The following ZC3H12C variants were observed in gnomAD, a reference collection of about 807,000 sequenced individuals.
The protein encoded by ZC3H12C is probable ribonuclease ZC3H12C.
Under a neutral mutation model 76.3 loss-of-function variants are expected in ZC3H12C, and 20 were observed. The observed-to-expected ratio is 0.26, with a 90% confidence interval of 0.18 to 0.38. The LOEUF is 0.38. ZC3H12C is among the 10% of genes least tolerant of loss of function. The pLI is 1.00. For missense variants in ZC3H12C, 874 were observed against 1,086.5 expected, an observed-to-expected ratio of 0.80 and a Z score of 2.75; for synonymous variants, 352 against 399.6, an observed-to-expected ratio of 0.88 and a Z score of 1.42.
intron 2 of ZC3H12C, among the ~76,000 whole-genome samples, chr11:110,150,178 A>G (rs1862245816): frequency 1.3e-5 from 2 of 151,966 alleles, no homozygotes; most frequent in African/African-American, 4.8e-5. Flanking sequence ...GTTAATTTTA[A>G]GATTAGTTTC....
chr11:110,156,855 C>T (rs532072133), intron 3 of ZC3H12C, among the ~76,000 whole-genome samples: 2 of 152,286 alleles, frequency 1.3e-5, no homozygotes, highest in Non-Finnish European at 2.9e-5. Flanking sequence ...GGGGCACTTG[C>T]TTTTGCATTG....
At chr11:110,115,303 A>G (rs1350540160) in intron 1 of ZC3H12C, among the ~76,000 whole-genome samples, 1 of 150,926 alleles carries the variant, frequency 6.6e-6, no homozygotes, top group Non-Finnish European at 1.5e-5. Context: ...TTTTTCATTT[A>G]TTTATTTATT....
At chr11:110,111,708 T>C (rs1027566674) in intron 1 of ZC3H12C, among the ~76,000 whole-genome samples, 13 of 151,240 alleles carry the variant, frequency 8.6e-5, no homozygotes, top group African/African-American at 3.2e-4. Flanking sequence ...TTTTTTTTTT[T>C]TTTTTTTTAG....
chr11:110,127,324 A>G (rs961460794), intron 1 of ZC3H12C, among the ~76,000 whole-genome samples: 2 of 152,226 alleles, frequency 1.3e-5, no homozygotes, highest in Non-Finnish European at 2.9e-5. Context: ...AATAGCACTC[A>G]GAAGAGTAGC....
intron 3 of ZC3H12C, among the ~76,000 whole-genome samples, chr11:110,156,054 G>A (rs1269479378): frequency 1.3e-5 from 2 of 152,098 alleles, no homozygotes; most frequent in African/African-American, 4.8e-5. Context: ...CAGCATGCCA[G>A]TCCCTGGAAC....
At chr11:110,129,883 A>G (rs1861829339) in intron 1 of ZC3H12C, among the ~76,000 whole-genome samples, 1 of 152,150 alleles carries the variant, frequency 6.6e-6, no homozygotes, top group African/African-American at 2.4e-5. Flanking sequence ...CACAAAAGCA[A>G]GTAGTACATA....
intron 1 of ZC3H12C, among the ~76,000 whole-genome samples, chr11:110,116,976 G>A (rs556249865): frequency 7.4e-4 from 112 of 152,210 alleles, no homozygotes; most frequent in Admixed American, 3.4e-3. Flanking sequence ...GAGTTTATTA[G>A]TAAGTATTCA....
chr11:110,144,229 A>G (rs1029818771), intron 2 of ZC3H12C, among the ~76,000 whole-genome samples: 6 of 152,176 alleles, frequency 3.9e-5, no homozygotes, highest in African/African-American at 1.4e-4. Flanking sequence ...TTTCATTTTG[A>G]TTCCAAAACA....
At chr11:110,158,189 G>A (rs1862411838) in intron 3 of ZC3H12C, among the ~76,000 whole-genome samples, 1 of 152,110 alleles carries the variant, frequency 6.6e-6, no homozygotes, top group Admixed American at 6.5e-5. Context: ...CACAAAACAA[G>A]TCAATAGAGT....
intron 3 of ZC3H12C, among the ~76,000 whole-genome samples, chr11:110,158,784 C>T (rs568323001): frequency 6.6e-6 from 1 of 152,302 alleles, no homozygotes; most frequent in East Asian, 1.9e-4. Flanking sequence ...CTTCTACTTC[C>T]TTTCATACTC....
At chr11:110,159,632 T>TG in intron 4 of ZC3H12C, 142 bp downstream of exon 4, 1 of 746,414 alleles carries the variant, frequency 1.3e-6, no homozygotes, top group Non-Finnish European at 2.1e-6. Flanking sequence ...TGATCCTCAG[T>TG]GGGAGTCAGG....
intron 1 of ZC3H12C, chr11:110,131,467 A>G: frequency 4.0e-6 from 1 of 249,282 alleles, no homozygotes; most frequent in Non-Finnish European, 7.7e-6. Flanking sequence ...TTAAGATGTC[A>G]CTGTCGTACC....
At chr11:110,115,764 T>C (rs2134157532) in intron 1 of ZC3H12C, among the ~76,000 whole-genome samples, 1 of 149,620 alleles carries the variant, frequency 6.7e-6, no homozygotes, top group East Asian at 2.0e-4. Flanking sequence ...TTTTTTTTTT[T>C]TTTCTTTTTT....
intron 1 of ZC3H12C, among the ~76,000 whole-genome samples, chr11:110,123,066 A>C (rs1035604376): frequency 3.3e-5 from 5 of 152,000 alleles, no homozygotes; most frequent in African/African-American, 1.2e-4. Context: ...TTATTTCTGG[A>C]ATTGTTTATT....
intron 1 of ZC3H12C, among the ~76,000 whole-genome samples, chr11:110,120,128 A>G (rs973926533): frequency 2.0e-5 from 3 of 152,076 alleles, no homozygotes; most frequent in African/African-American, 7.2e-5. Flanking sequence ...AGAGGAGAGG[A>G]CTTGCTTTGT....
Position 110,165,491 on chromosome 11 carries a change from G to A in ZC3H12C, c.2406G>A (p.Pro802=), listed in dbSNP as rs766475316. The part of the protein sequence containing the change: ...TYSLPDNSTQ[P]CYEQFTFQSL... Reference sequence around the variant, plus strand: ...CCTTGCCCGATAACTCCACACAGCCGTGTTATGAGCAGTTCACCTTCCAGA... The same window carrying A: ...CCTTGCCCGATAACTCCACACAGCCATGTTATGAGCAGTTCACCTTCCAGA... Residue 802 remains proline, a synonymous_variant, in exon 6 of 6, where the codon CCG becomes CCA. Coordinates refer to ENST00000278590, the MANE Select transcript of ZC3H12C (RefSeq NM_033390.2). The A allele has an allele frequency of 2.5e-6, 4 of 1,613,880 alleles. No individual in the cohort carries two copies. The East Asian group carries it at 8.9e-5, about 36-fold the overall frequency.
At chr11:110,154,428 T>G (rs370110521) in intron 3 of ZC3H12C, among the ~76,000 whole-genome samples, 2 of 151,668 alleles carry the variant, frequency 1.3e-5, no homozygotes, top group Non-Finnish European at 2.9e-5. Flanking sequence ...TAAATTAACA[T>G]AAGAATGAAT....
intron 2 of ZC3H12C, among the ~76,000 whole-genome samples, chr11:110,142,208 C>A (rs138803831): frequency 6.8e-4 from 104 of 152,276 alleles, no homozygotes; most frequent in African/African-American, 2.4e-3. Flanking sequence ...TATTCCATTG[C>A]ACCTCTTTAT....
rs142236935 is a variant in ZC3H12C at position 110,155,589 on chromosome 11, A to G, written c.913+2531A>G. ...AGAATGGTTCAATTAGGAGGTATCA[A>G]TATGATAGAATATGCATTAGAATAT... On this transcript the variant is annotated intron_variant, in intron 3 of 5. Transcript: ENST00000278590. Among the ~76,000 whole-genome samples, 28 of 152,328 alleles carry G rather than the reference A, an allele frequency of 1.8e-4. 1 individual carries two copies. Among genetic ancestry groups the G allele is most frequent in the African/African-American group, 6.7e-4 (28 of 41,570 alleles).
Sources: gnomAD v4.1 joint callset for allele counts (sites outside exome capture counted in the v4.1 genomes callset) on GRCh38, gnomAD v4.1.1 for gene constraint, MANE v1.5 for transcripts, NCBI Gene and HGNC (gene_info 2026-07-23, HGNC 2026-07-21) for gene names.